The following C3 variants were observed in gnomAD, a reference collection of about 807,000 sequenced individuals.
C3 encodes the protein complement C3.
C3 carries 97 observed loss-of-function variants against 207.9 expected under a neutral mutation model. The ratio of observed to expected loss-of-function variants is 0.47; its 90% CI spans 0.40 to 0.55. The LOEUF is 0.55. Among genes scored for constraint, C3 ranks in the 20% least tolerant of loss-of-function variants. C3 has a pLI of 0.00. For missense variants in C3, 1,684 were observed against 2,171.7 expected, an observed-to-expected ratio of 0.78 and a Z score of 4.46; for synonymous variants, 848 against 857.6, an observed-to-expected ratio of 0.99 and a Z score of 0.20.
At position 6,694,605 on chromosome 19, in the gene C3, C is replaced by T; in HGVS notation, c.2980G>A (p.Ala994Thr). 1 of 1,613,240 alleles carries T rather than the reference C, an allele frequency of 6.2e-7. No homozygotes were observed. Among genetic ancestry groups the T allele is most frequent in the African/African-American group, 1.3e-5 (1 of 75,044 alleles). ...GTPVAQMTED[A>T]VDAERLKHLI... Reference sequence around the variant, plus strand: ...TGCTTCAGCCGTTCCGCGTCGACGGCATCCTCTGTCATCTGGGCCACTGGG... The same window carrying T: ...TGCTTCAGCCGTTCCGCGTCGACGGTATCCTCTGTCATCTGGGCCACTGGG... The change falls in exon 24 of 41, where the codon GCC (alanine) becomes ACC (threonine). Residue 994 changes from alanine to threonine, a missense_variant. Transcript: ENST00000245907.
intron 29 of C3, 34 bp from the exon 30 acceptor site, chr19:6,685,180 G>A: frequency 1.2e-6 from 2 of 1,606,406 alleles, no homozygotes; most frequent in Non-Finnish European, 1.7e-6. Flanking sequence ...TGGTGATCTG[G>A]GAGCCTGGGA....
rs11570239 is a variant in C3, at chr19:6,694,252, G to A, written c.3154+179C>T. ...TCTCATGAAAAGCCTGGCCTGGGAG[G>A]AGTCAGGGCCTCAGAGGGCGTAGCC... On this transcript the variant is annotated intron_variant, in intron 24 of 40. Transcript: ENST00000245907. Among the ~76,000 whole-genome samples the A allele has an allele frequency of 5.6e-3, 834 of 148,876 alleles. 41 individuals carry two copies. Among genetic ancestry groups the A allele is most frequent in the African/African-American group, 0.02 (775 of 38,966 alleles).
chr19:6,692,376 G>T (rs942800381), intron 26 of C3, among the ~76,000 whole-genome samples: 2 of 152,154 alleles, frequency 1.3e-5, no homozygotes, highest in Non-Finnish European at 2.9e-5. Flanking sequence ...GTGCCACAGG[G>T]GGAGCCACGG....
intron 29 of C3, 38 bp from the exon 30 acceptor site, chr19:6,685,184 C>T: frequency 1.2e-6 from 2 of 1,601,536 alleles, no homozygotes; most frequent in Non-Finnish European, 1.7e-6. Context: ...GATCTGGGAG[C>T]CTGGGAAAGT....
In C3 at chr19:6,708,659, CTTCT is replaced by C. The variant is rs529901885; in HGVS notation, c.1846-734_1846-731del. Among the ~76,000 whole-genome samples the C allele has an allele frequency of 6.7e-4, 98 of 145,450 alleles. 1 individual carries two copies. The highest frequency in any genetic ancestry group is 1.9e-3 in the Admixed American group (27 of 14,164). On this transcript the variant is annotated intron_variant, in intron 14 of 40. Coordinates refer to ENST00000245907, the MANE Select transcript of C3 (RefSeq NM_000064.4). ...TTTCTTTCTCTCTGTTTCTCTCTCT[CTTCT>C]TTTTTTTTCCTCCTTTCTTTCCATT...
Position 6,707,869 on chromosome 19 carries a change from C to T in C3, c.1906G>A (p.Ala636Thr), listed in dbSNP as rs145886287. The T allele has an allele frequency of 1.2e-5, 19 of 1,613,902 alleles. No homozygotes were observed. In the African/African-American group the frequency reaches 2.0e-4, roughly 17 times the overall value. ...GCTPGSGKDY[A>T]GVFSDAGLTF... Reference sequence around the variant, plus strand: ...AGCCCTGCGTCGGAGAAGACACCGGCGTAATCCTTCCCACTGCCCGGGGTG... The same window carrying T: ...AGCCCTGCGTCGGAGAAGACACCGGTGTAATCCTTCCCACTGCCCGGGGTG... Residue 636 changes from alanine (A) to threonine (T), a missense_variant, in exon 15 of 41, where the codon GCC becomes ACC. Physicochemically the swap from Ala to Thr is moderately conservative, Grantham distance 58. Transcript: ENST00000245907.
At position 6,686,205 on chromosome 19, in the gene C3, T is replaced by C. The variant is rs2145398069; in HGVS notation, c.3729A>G (p.Leu1243=). Residue 1243 remains leucine (L), a synonymous_variant, in exon 29 of 41, where the codon CTA becomes CTG. Transcript: ENST00000245907. Reference sequence around the variant, plus strand: ...CGGGAGGCACAAAGTCAAAGTCTTTTAGCTGCAGTAGGGCCAAGAGGGCAT... The same window carrying C: ...CGGGAGGCACAAAGTCAAAGTCTTTCAGCTGCAGTAGGGCCAAGAGGGCAT... ...TSYALLALLQ[L]KDFDFVPPVV... 2 of 1,614,180 alleles carry C rather than the reference T, an allele frequency of 1.2e-6. No homozygotes were observed. The highest frequency in any genetic ancestry group is 2.7e-5 in the African/African-American group (2 of 75,054).
intron 19 of C3, among the ~76,000 whole-genome samples, chr19:6,700,781 AT>A (rs1210716960): frequency 9.1e-4 from 125 of 137,044 alleles, no homozygotes; most frequent in African/African-American, 3.2e-3. Context: ...TAGATATGAA[AT>A]ATATTATGTA....
At chr19:6,694,143 AG>A (rs1263261558) in intron 24 of C3, among the ~76,000 whole-genome samples, 188 of 100,724 alleles carry the variant, frequency 1.9e-3, no homozygotes, top group African/African-American at 6.5e-3. Flanking sequence ...CTGGCCTGGG[AG>A]GAGTCAGGGC....
rs369882948 is a variant in C3 at position 6,707,952 on chromosome 19, G to C, written c.1846-23C>G. 8.1e-6 allele frequency: 13 copies of C among 1,612,412 alleles called. No homozygotes were observed. The African/African-American group carries it at 1.3e-4, about 17-fold the overall frequency. On this transcript the variant is annotated intron_variant, in intron 14 of 40. Transcript: ENST00000245907. ...GATCTGCGGGGGGCATAGGGGTGGCGGGACGCAGGGAGGCCAGGCTGACAA... is the reference window on the plus strand; with the variant it reads ...GATCTGCGGGGGGCATAGGGGTGGCCGGACGCAGGGAGGCCAGGCTGACAA...
At chr19:6,696,695 G>A in intron 21 of C3, 36 bp from the exon 22 acceptor site, 2 of 1,577,530 alleles carry the variant, frequency 1.3e-6, no homozygotes, top group Non-Finnish European at 1.7e-6. Context: ...GTCGTTGGAT[G>A]AATAAAAGAA....
chr19:6,694,353 G>T, intron 24 of C3, 78 bp downstream of exon 24: 1 of 1,326,834 alleles, frequency 7.5e-7, no homozygotes. Context: ...GCGTGGTCTT[G>T]AGATGAGGTG....
rs1967685311 is a variant in C3, at chr19:6,702,025, G to A, written c.2440+102C>T. 3 of 754,774 alleles carry A rather than the reference G, an allele frequency of 4.0e-6. No homozygotes were observed. In the Admixed American group the frequency reaches 5.5e-5, roughly 14 times the overall value. The allele number at this position is 754,774 out of a possible 1,614,324, so 46.8% of individuals were successfully genotyped here. On this transcript the variant is annotated intron_variant, in intron 19 of 40. Transcript: ENST00000245907. Reference sequence around the variant, plus strand: ...TGTGGTAACCAGGGCAGAGAATAAAGTGCCAAGAAACATAGGGTTGATTGA... The same window carrying A: ...TGTGGTAACCAGGGCAGAGAATAAAATGCCAAGAAACATAGGGTTGATTGA...
At chr19:6,711,218 C>T (rs753762670) in intron 11 of C3, 22 bp from the exon 12 acceptor site, 5 of 1,603,310 alleles carry the variant, frequency 3.1e-6, no homozygotes, top group Admixed American at 3.3e-5. Context: ...AAGAGGGATG[C>T]CTGCTGGTCG....
In C3 at chr19:6,696,513, T is replaced by C. The variant is rs1967537189; in HGVS notation, c.2864-48A>G. On this transcript the variant is annotated intron_variant, in intron 22 of 40. Transcript: ENST00000245907. Reference sequence around the variant, plus strand: ...CGATGGCTCTAGCTCCCTCCCGCCCTATCCTACCTCACTAAACCCAGGTCA... The same window carrying C: ...CGATGGCTCTAGCTCCCTCCCGCCCCATCCTACCTCACTAAACCCAGGTCA... The C allele has an allele frequency of 3.8e-6, 6 of 1,595,124 alleles. No individual in the cohort carries two copies. The East Asian group carries it at 1.3e-4, about 36-fold the overall frequency.
chr19:6,687,845 G>T (rs190624942), intron 27 of C3, among the ~76,000 whole-genome samples: 1 of 150,876 alleles, frequency 6.6e-6, no homozygotes, highest in Non-Finnish European at 1.5e-5. Context: ...TGGTTGGTTG[G>T]GTTTTTTGTT....
rs1917952845 is a variant in C3, at chr19:6,684,650, C to T, written c.4030G>A (p.Val1344Met). The T allele has an allele frequency of 1.2e-6, 2 of 1,613,058 alleles. No homozygotes were observed. The highest frequency in any genetic ancestry group is 1.7e-6 in the Non-Finnish European group (2 of 1,179,126). Residue 1344 changes from valine (V) to methionine (M), a missense_variant and splice_region_variant, in exon 32 of 41, where the codon GTG becomes ATG. This residue lies in a region of C3 where 1,280 missense variants were observed against 1,739.1 expected (regional missense o/e 0.74). Coordinates refer to ENST00000245907, the MANE Select transcript of C3 (RefSeq NM_000064.4). ...AEGKGQGTLSVVTMYHAKAKD... is the reference protein window; with the variant it reads ...AEGKGQGTLSMVTMYHAKAKD... Reference sequence around the variant, plus strand: ...GCCTTAGCATGGTACATTGTCACCACCTGGTAAGATGGGAGAGGAGACACA... The same window carrying T: ...GCCTTAGCATGGTACATTGTCACCATCTGGTAAGATGGGAGAGGAGACACA...
intron 19 of C3, among the ~76,000 whole-genome samples, chr19:6,700,265 A>G (rs1364046861): frequency 9.8e-6 from 1 of 102,218 alleles, no homozygotes; most frequent in African/African-American, 3.8e-5. Context: ...TTATATATGT[A>G]ATATGCAACA....
chr19:6,709,686 T>C lies in C3; in HGVS notation c.1843A>G (p.Lys615Glu), dbSNP rs756240331. The change falls in exon 14 of 41, where the codon AAG becomes GAG. Residue 615 changes from lysine (K) to glutamate (E), a missense_variant and splice_region_variant. Lys to Glu is a moderately conservative substitution (Grantham distance 56, BLOSUM62 1). This residue lies in a region of C3 where 1,280 missense variants were observed against 1,739.1 expected (regional missense o/e 0.74). Coordinates refer to ENST00000245907, the MANE Select transcript of C3 (RefSeq NM_000064.4). ...LNKKNKLTQS[K>E]IWDVVEKADI... ...AGCCTTGGGTCACTGGCCCTTACCT[T>C]ACTCTGCGTCAGTTTGTTCTTCTTA... is the stretch of plus-strand genomic sequence containing the variant. 6.2e-7 allele frequency: 1 copy of C among 1,611,042 alleles called. No individual in the cohort carries two copies.
Sources: gnomAD v4.1 joint callset for allele counts (sites outside exome capture counted in the v4.1 genomes callset) on GRCh38, gnomAD v4.1.1 for gene constraint, gnomAD v4.1.1 regional missense constraint, MANE v1.5 for transcripts, NCBI Gene and HGNC (gene_info 2026-07-23, HGNC 2026-07-21) for gene names.